The following GALNT14 variants were observed in gnomAD, a reference collection of about 807,000 sequenced individuals.
The protein encoded by GALNT14 is polypeptide N-acetylgalactosaminyltransferase 14.
Under a neutral mutation model 77.5 loss-of-function variants are expected in GALNT14, and 60 were observed. The observed-to-expected ratio is 0.77, with a 90% CI of 0.63 to 0.96. The LOEUF (loss-of-function observed/expected upper bound fraction) is 0.96. GALNT14 is among the 40% of genes least tolerant of loss of function. The pLI is 0.00. For synonymous variants in GALNT14, 280 were observed against 281.7 expected (o/e 0.99, Z 0.06); for missense variants, 710 against 731.0 (o/e 0.97, Z 0.33).
chr2:30,912,398 G>A (rs1664423390), intron 13 of GALNT14, 56 bp from the exon 14 acceptor site: 2 of 1,600,026 alleles, frequency 1.2e-6, no homozygotes, highest in African/African-American at 1.3e-5. Context: ...CACCACTCGT[G>A]GGATACAACC....
chr2:30,937,660 G>T (rs181134581), intron 9 of GALNT14, among the ~76,000 whole-genome samples: 1 of 152,300 alleles, frequency 6.6e-6, no homozygotes, highest in East Asian at 1.9e-4. Context: ...GCCTGAGAAA[G>T]TTCTCTACTT....
chr2:31,087,904 G>T (rs934411108), intron 1 of GALNT14, among the ~76,000 whole-genome samples: 25 of 152,170 alleles, frequency 1.6e-4, no homozygotes, highest in Non-Finnish European at 1.5e-4. Context: ...ATGGATTAGT[G>T]CCTGTATAAA....
intron 2 of GALNT14, among the ~76,000 whole-genome samples, chr2:30,985,091 C>T (rs1158472800): frequency 6.6e-6 from 1 of 151,994 alleles, no homozygotes. Flanking sequence ...TAACACAGGA[C>T]TTGGCATATG....
At chr2:31,060,242 G>C (rs533996029) in intron 1 of GALNT14, among the ~76,000 whole-genome samples, 2 of 152,248 alleles carry the variant, frequency 1.3e-5, no homozygotes, top group South Asian at 4.2e-4. Flanking sequence ...AGAATCTATT[G>C]TGACCATTCA....
intron 1 of GALNT14, among the ~76,000 whole-genome samples, chr2:31,125,911 G>T (rs1678679302): frequency 6.6e-6 from 1 of 152,094 alleles, no homozygotes; most frequent in South Asian, 2.1e-4. Context: ...AGCATCTGTT[G>T]GTTAATTCCT....
At chr2:30,983,310 G>C (rs746982591) in intron 2 of GALNT14, among the ~76,000 whole-genome samples, 1 of 151,386 alleles carries the variant, frequency 6.6e-6, no homozygotes, top group Non-Finnish European at 1.5e-5. Context: ...CTTTCAGTCT[G>C]TTTTTTTTGT....
intron 1 of GALNT14, among the ~76,000 whole-genome samples, chr2:31,117,607 A>G (rs1573372823): frequency 6.6e-6 from 1 of 152,266 alleles, no homozygotes; most frequent in Middle Eastern, 3.4e-3. Flanking sequence ...TAGGTGTAGA[A>G]CACAGAATTA....
At chr2:31,106,288 T>C (rs1049915122) in intron 1 of GALNT14, among the ~76,000 whole-genome samples, 2 of 152,244 alleles carry the variant, frequency 1.3e-5, no homozygotes, top group Non-Finnish European at 2.9e-5. Context: ...TTTCTGTGTG[T>C]CTATTTTTTA....
At chr2:31,089,814 A>G (rs547040574) in intron 1 of GALNT14, among the ~76,000 whole-genome samples, 1 of 152,130 alleles carries the variant, frequency 6.6e-6, no homozygotes, top group Non-Finnish European at 1.5e-5. Context: ...TGCTAGTTCC[A>G]AAGCTACCAT....
intron 1 of GALNT14, among the ~76,000 whole-genome samples, chr2:31,133,256 G>A (rs189138943): frequency 3.3e-5 from 5 of 152,230 alleles, no homozygotes; most frequent in South Asian, 2.1e-4. Context: ...TCTAGGAAGC[G>A]GGCAACAAGA....
chr2:30,979,441 G>T (rs1668849754), intron 2 of GALNT14, among the ~76,000 whole-genome samples: 1 of 152,088 alleles, frequency 6.6e-6, no homozygotes, highest in Non-Finnish European at 1.5e-5. Flanking sequence ...AGGAGTACAT[G>T]ATGCCACCTT....
intron 9 of GALNT14, among the ~76,000 whole-genome samples, chr2:30,940,535 A>G (rs188524573): frequency 6.6e-6 from 1 of 152,378 alleles, no homozygotes; most frequent in East Asian, 1.9e-4. Flanking sequence ...CGAATGCATC[A>G]TTATAAGAAA....
chr2:31,024,030 C>T (rs150269454), intron 1 of GALNT14, among the ~76,000 whole-genome samples: 12 of 152,268 alleles, frequency 7.9e-5, no homozygotes, highest in African/African-American at 2.9e-4. Flanking sequence ...CCCTCTGGAC[C>T]TGCTCCTACT....
rs907593482 is a variant in GALNT14, at chr2:30,918,491, CA to C, written c.1380+5627del. On this transcript the variant is annotated intron_variant, in intron 13 of 14. Transcript: ENST00000349752. ...TGTCTGCTGTGTTCACGATGGTGACCAGGGGGAGCCAACAAGAAGAGAGAGG... is the reference window on the plus strand; with the variant it reads ...TGTCTGCTGTGTTCACGATGGTGACCGGGGGAGCCAACAAGAAGAGAGAGG... 4.7e-4 allele frequency among the ~76,000 whole-genome samples: 72 copies of C among 152,192 alleles called. 1 individual carries two copies. The highest frequency in any genetic ancestry group is 8.8e-5 in the Non-Finnish European group (6 of 68,042).
intron 9 of GALNT14, among the ~76,000 whole-genome samples, chr2:30,940,690 AAGAG>A (rs2148276731): frequency 6.6e-6 from 1 of 152,282 alleles, no homozygotes; most frequent in Admixed American, 6.5e-5. Context: ...TCCACCCCAT[AAGAG>A]AGAAGTCCCT....
At chr2:30,908,300 AT>A (rs1664199151), downstream of GALNT14, among the ~76,000 whole-genome samples, 1 of 152,222 alleles carries the variant, frequency 6.6e-6, no homozygotes, top group Non-Finnish European at 1.5e-5. Flanking sequence ...ATGATTGTAT[AT>A]CTAGAAAACC....
intron 1 of GALNT14, among the ~76,000 whole-genome samples, chr2:31,068,071 G>T (rs925347706): frequency 6.6e-5 from 10 of 152,104 alleles, no homozygotes; most frequent in Non-Finnish European, 1.3e-4. Flanking sequence ...CCCAAGCCCT[G>T]CCCAGAAAGG....
At chr2:30,929,972 T>A (rs986274119) in intron 10 of GALNT14, among the ~76,000 whole-genome samples, 1 of 152,144 alleles carries the variant, frequency 6.6e-6, no homozygotes, top group African/African-American at 2.4e-5. Flanking sequence ...TGAGGTCAGG[T>A]GTGGAATTTG....
intron 1 of GALNT14, among the ~76,000 whole-genome samples, chr2:31,117,270 C>T (rs1678156292): frequency 6.6e-6 from 1 of 152,096 alleles, no homozygotes; most frequent in African/African-American, 2.4e-5. Flanking sequence ...AGTAGCTCTT[C>T]AGACAAATAG....
Sources: gnomAD v4.1 joint callset for allele counts (sites outside exome capture counted in the v4.1 genomes callset) on GRCh38, gnomAD v4.1.1 for gene constraint, MANE v1.5 for transcripts, NCBI Gene and HGNC (gene_info 2026-07-23, HGNC 2026-07-21) for gene names.